The following PDE10A variants were observed in gnomAD, a reference collection of about 807,000 sequenced individuals.
PDE10A encodes phosphodiesterase 10A.
In PDE10A, 39 loss-of-function variants were observed where a neutral mutation model predicts 97.7. That is an observed-to-expected ratio of 0.40 (90% CI 0.31 to 0.52). The LOEUF (loss-of-function observed/expected upper bound fraction) is 0.52, where lower values mean the gene tolerates loss of function less well. Ranked by LOEUF, PDE10A falls within the 20% of genes least tolerant of loss-of-function variation. The pLI is 0.56. For synonymous variants in PDE10A, 371 were observed against 376.8 expected (o/e 0.98, Z 0.18); for missense variants, 731 against 1,047.8 (o/e 0.70, Z 4.17).
intron 5 of PDE10A, among the ~76,000 whole-genome samples, chr6:165,442,604 T>C (rs530597397): frequency 1.2e-4 from 19 of 152,202 alleles, no homozygotes; most frequent in Admixed American, 4.6e-4. Context: ...AGAAAAGCAA[T>C]GGGGAAATCC....
chr6:165,616,485 A>AC (rs1787732307), intron 1 of PDE10A, among the ~76,000 whole-genome samples: 1 of 152,180 alleles, frequency 6.6e-6, no homozygotes, highest in South Asian at 2.1e-4. Flanking sequence ...TTTTAGGCCT[A>AC]CAGCCTGAAG....
In PDE10A at chr6:165,655,646, ATCCACGACATC is replaced by A. The variant is rs1339767514; in HGVS notation, c.865+6290_865+6300del. ...ACAGTAGCATCCATGGACTCCCTGT[ATCCACGACATC>A]TCCCTTCATTCATTCACCAAACTGC... On this transcript the variant is annotated intron_variant, in intron 1 of 21. Coordinates refer to ENST00000539869, the MANE Select transcript of PDE10A (RefSeq NM_001385079.1). This position sits in a 1 kb window ranked among gnomAD's most constrained non-coding sequence, Gnocchi z 4.5. Among the ~76,000 whole-genome samples, 1 of 152,104 alleles carries A rather than the reference ATCCACGACATC, an allele frequency of 6.6e-6. No homozygotes were observed. The highest frequency in any genetic ancestry group is 6.5e-5 in the Admixed American group (1 of 15,272).
chr6:165,619,730 T>C (rs368374472), intron 1 of PDE10A, among the ~76,000 whole-genome samples: 55 of 148,800 alleles, frequency 3.7e-4, no homozygotes, highest in African/African-American at 1.0e-3. Flanking sequence ...CAGTGTAGTG[T>C]AGTGTAGTCT....
intron 16 of PDE10A, among the ~76,000 whole-genome samples, chr6:165,391,791 G>C (rs544455728): frequency 2.9e-4 from 44 of 152,266 alleles, no homozygotes; most frequent in African/African-American, 1.0e-3. Context: ...CAATAGGATG[G>C]AAAAGGATAG....
At chr6:165,691,201 CCCCACA>C (rs1440316289) in intron 1 of PDE10A, among the ~76,000 whole-genome samples, 8 of 24,036 alleles carry the variant, frequency 3.3e-4, no homozygotes, top group South Asian at 1.6e-3. Flanking sequence ...CTCTCTCTCT[CCCCACA>C]CACACACACA....
intron 1 of PDE10A, among the ~76,000 whole-genome samples, chr6:165,883,548 A>C (rs867593540): frequency 1.3e-5 from 1 of 74,236 alleles, no homozygotes; most frequent in Non-Finnish European, 2.7e-5. Flanking sequence ...TCAAAAAAAA[A>C]AAAAATAAAT....
At chr6:165,689,951 C>T (rs1791226689) in intron 1 of PDE10A, among the ~76,000 whole-genome samples, 1 of 152,192 alleles carries the variant, frequency 6.6e-6, no homozygotes, top group African/African-American at 2.4e-5. Flanking sequence ...TCACTCATAG[C>T]TTTCCCAAAT....
intron 1 of PDE10A, among the ~76,000 whole-genome samples, chr6:165,645,383 T>TG (rs1302514366): frequency 6.6e-6 from 1 of 152,174 alleles, no homozygotes; most frequent in East Asian, 1.9e-4. Flanking sequence ...TCTCAGGCTC[T>TG]GTGGGCAAGG....
chr6:165,789,923 A>G (rs566752105), intron 1 of PDE10A, among the ~76,000 whole-genome samples: 1 of 152,272 alleles, frequency 6.6e-6, no homozygotes, highest in South Asian at 2.1e-4. Context: ...ATGTTTGTGG[A>G]TAAGAAAGAG....
intron 1 of PDE10A, among the ~76,000 whole-genome samples, chr6:165,747,060 A>G (rs1420133206): frequency 6.6e-6 from 1 of 152,198 alleles, no homozygotes; most frequent in African/African-American, 2.4e-5. Context: ...TGATGAGACT[A>G]TGCTATATCT....
At chr6:165,504,370 G>C (rs561231264) in intron 2 of PDE10A, among the ~76,000 whole-genome samples, 23 of 152,114 alleles carry the variant, frequency 1.5e-4, no homozygotes, top group Non-Finnish European at 8.8e-5. Context: ...TAAATATCCA[G>C]AATTGTTTAA....
At position 165,662,835 on chromosome 6, in the gene PDE10A, G is replaced by A. The variant is rs1405075792; in HGVS notation, c.-24C>T. On this transcript the variant is annotated 5_prime_UTR_variant, in exon 1 of 22. Transcript: ENST00000539869. ...ATGGTTCCTCCCCGGGCCGCGGAGGGGCAGGCCGCGGGCGGGAGGGGCGCG... is the reference window on the plus strand; with the variant it reads ...ATGGTTCCTCCCCGGGCCGCGGAGGAGCAGGCCGCGGGCGGGAGGGGCGCG... 8.7e-5 allele frequency among the ~76,000 whole-genome samples: 13 copies of A among 149,952 alleles called. No individual in the cohort carries two copies. The highest frequency in any genetic ancestry group is 3.3e-4 in the Admixed American group (5 of 15,152).
intron 1 of PDE10A, among the ~76,000 whole-genome samples, chr6:165,688,470 T>C (rs1003181144): frequency 6.6e-6 from 1 of 152,208 alleles, no homozygotes; most frequent in African/African-American, 2.4e-5. Context: ...CTCAGGGGGC[T>C]TCCCTGGACT....
intron 2 of PDE10A, among the ~76,000 whole-genome samples, chr6:165,515,454 TATA>T (rs1781739969): frequency 6.6e-6 from 1 of 151,628 alleles, no homozygotes; most frequent in African/African-American, 2.4e-5. Flanking sequence ...GGTTTAATAT[TATA>T]ATCATTTTAT....
At chr6:165,741,735 T>C (rs1792725994) in intron 1 of PDE10A, among the ~76,000 whole-genome samples, 1 of 152,162 alleles carries the variant, frequency 6.6e-6, no homozygotes, top group South Asian at 2.1e-4. Context: ...GACTAGTGGC[T>C]CTTATTGAGA....
At chr6:165,545,179 A>T (rs370224473) in intron 1 of PDE10A, 86 of 507,538 alleles carry the variant, frequency 1.7e-4, no homozygotes, top group Non-Finnish European at 2.9e-4. Context: ...AGGCTATAGA[A>T]TTCTTATCCT....
chr6:165,473,033 A>C (rs1779101840), intron 3 of PDE10A, among the ~76,000 whole-genome samples: 1 of 152,186 alleles, frequency 6.6e-6, no homozygotes, highest in Non-Finnish European at 1.5e-5. Flanking sequence ...CTATATACAT[A>C]AATATAACCA....
chr6:165,769,819 AC>A (rs1239287585), intron 1 of PDE10A, among the ~76,000 whole-genome samples: 3 of 152,218 alleles, frequency 2.0e-5, no homozygotes, highest in Non-Finnish European at 4.4e-5. Context: ...CTGCCCACTT[AC>A]CTGGCAAGTT....
At chr6:165,373,329 C>G (rs1032059004) in intron 18 of PDE10A, among the ~76,000 whole-genome samples, 2 of 152,140 alleles carry the variant, frequency 1.3e-5, no homozygotes, top group Non-Finnish European at 2.9e-5. Context: ...GCAACCTACT[C>G]ATCTGACAAA....
Sources: gnomAD v4.1 joint callset for allele counts (sites outside exome capture counted in the v4.1 genomes callset) on GRCh38, gnomAD v4.1.1 for gene constraint, Gnocchi (gnomAD v3.1) non-coding constraint, MANE v1.5 for transcripts, NCBI Gene and HGNC (gene_info 2026-07-23, HGNC 2026-07-21) for gene names.